The following N4BP2 variants were observed in gnomAD, a reference collection of about 807,000 sequenced individuals.
N4BP2 encodes NEDD4-binding protein 2.
Under a neutral mutation model 152.8 loss-of-function variants are expected in N4BP2, and 91 were observed. The observed-to-expected ratio is 0.60, with a 90% confidence interval of 0.50 to 0.71. The LOEUF (loss-of-function observed/expected upper bound fraction) is 0.71, where lower values mean the gene tolerates loss of function less well. Ranked by LOEUF, N4BP2 falls within the 30% of genes least tolerant of loss-of-function variation. The pLI is 0.00. For missense variants in N4BP2, 1,923 were observed against 2,059.1 expected, an observed-to-expected ratio of 0.93 and a Z score of 1.28; for synonymous variants, 646 against 705.3, an observed-to-expected ratio of 0.92 and a Z score of 1.33.
intron 2 of N4BP2, among the ~76,000 whole-genome samples, chr4:40,076,970 G>A (rs1712805430): frequency 6.6e-6 from 1 of 151,944 alleles, no homozygotes; most frequent in Admixed American, 6.6e-5. Flanking sequence ...ATCGTGTTTG[G>A]GAACATGCTA....
intron 2 of N4BP2, chr4:40,083,121 A>C (rs1713569206): frequency 7.0e-6 from 1 of 143,232 alleles, no homozygotes; most frequent in Non-Finnish European, 1.5e-5. Flanking sequence ...CGGTGCAGAC[A>C]TAGAAAAAGG....
intron 13 of N4BP2, among the ~76,000 whole-genome samples, chr4:40,135,082 A>T (rs1579110223): frequency 7.3e-6 from 1 of 137,012 alleles, no homozygotes; most frequent in Non-Finnish European, 1.6e-5. Flanking sequence ...ATATCTCCCA[A>T]TGCTATCCCT....
the N4BP2 span, among the ~76,000 whole-genome samples, chr4:40,165,289 C>T: frequency 4.4e-3 from 665 of 151,986 alleles, 4 homozygotes; most frequent in African/African-American, 0.015. Context: ...TGCTCTATCA[C>T]CCAGGCTGGA....
intron 8 of N4BP2, among the ~76,000 whole-genome samples, chr4:40,118,590 C>T (rs747052585): frequency 2.0e-5 from 3 of 152,030 alleles, no homozygotes; most frequent in Non-Finnish European, 4.4e-5. Flanking sequence ...TTTGTGAGTC[C>T]GTGATTATGC....
chr4:40,075,929 C>T (rs1366084537), intron 2 of N4BP2, among the ~76,000 whole-genome samples: 3 of 152,146 alleles, frequency 2.0e-5, no homozygotes, highest in East Asian at 1.9e-4. Flanking sequence ...CAGGCCCAAA[C>T]AATCCTCCTA....
chr4:40,106,895 C>T lies in N4BP2; in HGVS notation c.1374-5C>T, dbSNP rs769701613. ...AATGAAAATTATTTCATTTATCTTT[C>T]ACAGGACTTTGCAAGAGGATAATCC... is the stretch of plus-strand genomic sequence containing the variant. On this transcript the variant is annotated splice_region_variant and splice_polypyrimidine_tract_variant and intron_variant, in intron 4 of 17. Transcript: ENST00000261435. The T allele has an allele frequency of 6.3e-7, 1 of 1,598,008 alleles. No homozygotes were observed. The highest frequency in any genetic ancestry group is 8.5e-7 in the Non-Finnish European group (1 of 1,171,880).
chr4:40,175,300 G>T, the N4BP2 span, among the ~76,000 whole-genome samples: 1 of 147,922 alleles, frequency 6.8e-6, no homozygotes, highest in African/African-American at 2.5e-5. Flanking sequence ...TAGGATTATA[G>T]GCATGAGCCA....
intron 2 of N4BP2, among the ~76,000 whole-genome samples, chr4:40,086,091 C>T (rs1713917075): frequency 6.7e-6 from 1 of 150,312 alleles, no homozygotes; most frequent in Admixed American, 6.6e-5. Flanking sequence ...CCTCAGCTCC[C>T]GAGTAGCTGG....
In N4BP2 at chr4:40,102,813, G is replaced by A. The variant is rs1715821223; in HGVS notation, c.968G>A (p.Gly323Glu). ...TCTGATGTGTTTCTACCTTCCGAAG[G>A]GTTCAACTTCAAGCCACACAAACAT... ...RVSDVFLPSE[G>E]FNFKPHKHPE... Residue 323 changes from glycine to glutamate, a missense_variant, in exon 4 of 18, where the codon GGG becomes GAG. By Grantham distance (98) the Gly-to-Glu change is moderately conservative. Transcript: ENST00000261435. The A allele has an allele frequency of 1.2e-6, 2 of 1,614,098 alleles. No homozygotes were observed. Among genetic ancestry groups the A allele is most frequent in the South Asian group, 1.1e-5 (1 of 91,082 alleles).
chr4:40,131,668 T>TTTAATCCG, intron 12 of N4BP2, 133 bp from the exon 13 acceptor site: 1 of 649,704 alleles, frequency 1.5e-6, no homozygotes. Context: ...AATTTCAGCC[T>TTTAATCCG]TTAATCCGTA....
intron 14 of N4BP2, among the ~76,000 whole-genome samples, chr4:40,141,535 C>A (rs1042164575): frequency 6.6e-6 from 1 of 151,144 alleles, no homozygotes; most frequent in Non-Finnish European, 1.5e-5. Context: ...GGATGGCGGC[C>A]GGGAAGAGGC....
the N4BP2 span, among the ~76,000 whole-genome samples, chr4:40,171,928 T>C: frequency 2.6e-5 from 4 of 152,128 alleles, no homozygotes; most frequent in South Asian, 2.1e-4. Context: ...TTTTCTGAGA[T>C]GGAGTCTCAC....
At chr4:40,109,231 A>G (rs1261264956) in intron 5 of N4BP2, among the ~76,000 whole-genome samples, 1 of 152,200 alleles carries the variant, frequency 6.6e-6, no homozygotes, top group Non-Finnish European at 1.5e-5. Context: ...CAGGAATCTG[A>G]AAATGCCAAC....
In N4BP2 at chr4:40,122,242, A is replaced by C. The variant is rs1718006480; in HGVS notation, c.4131A>C (p.Glu1377Asp). Residue 1377 changes from glutamate to aspartate, a missense_variant, in exon 9 of 18, where the codon GAA (glutamate) becomes GAC (aspartate). Glu to Asp is a conservative substitution (Grantham distance 45, BLOSUM62 2). Coordinates refer to ENST00000261435, the MANE Select transcript of N4BP2 (RefSeq NM_018177.6). ...MAKSLTIDCL[E>D]LALPPELAFQ... is the part of the protein sequence containing the mutation. ...AATCTCTGACCATAGACTGTCTGGA[A>C]TTGGCATTACCCCCTGAACTGGCTT... The C allele has an allele frequency of 6.2e-7, 1 of 1,608,384 alleles. No homozygotes were observed. The highest frequency in any genetic ancestry group is 8.5e-7 in the Non-Finnish European group (1 of 1,176,800).
intron 1 of N4BP2, among the ~76,000 whole-genome samples, chr4:40,061,606 C>T (rs1185464690): frequency 6.6e-6 from 1 of 151,282 alleles, no homozygotes; most frequent in African/African-American, 2.4e-5. Flanking sequence ...CTCAGGTGAT[C>T]CGCCCGCCTC....
At chr4:40,080,824 A>ATT (rs34784076) in intron 2 of N4BP2, among the ~76,000 whole-genome samples, 5,402 of 135,620 alleles carry the variant, frequency 0.04, 152 homozygotes, top group Middle Eastern at 0.062. Context: ...CGCCTGGCTA[A>ATT]TTTTTTTTTT....
At chr4:40,180,564 T>C in the N4BP2 span, among the ~76,000 whole-genome samples, 1 of 152,208 alleles carries the variant, frequency 6.6e-6, no homozygotes, top group African/African-American at 2.4e-5. Context: ...CAGGAATACT[T>C]AATTACTCAT....
At chr4:40,074,057 A>T (rs1382525610) in intron 2 of N4BP2, among the ~76,000 whole-genome samples, 1 of 149,926 alleles carries the variant, frequency 6.7e-6, no homozygotes, top group Admixed American at 6.7e-5. Context: ...CTCCCAAAGT[A>T]CTGGGATTAC....
At chr4:40,115,077 T>G (rs1359075384) in intron 7 of N4BP2, among the ~76,000 whole-genome samples, 2 of 152,244 alleles carry the variant, frequency 1.3e-5, no homozygotes, top group African/African-American at 2.4e-5. Context: ...TTAATTAATT[T>G]CTGCTTCTCA....
Sources: allele counts gnomAD v4.1 joint callset (sites outside exome capture counted in the v4.1 genomes callset), GRCh38; gene constraint gnomAD v4.1.1; transcripts MANE v1.5; gene names NCBI Gene and HGNC (gene_info 2026-07-23, HGNC 2026-07-21).